The following RNPEPL1 variants were observed in gnomAD, a reference collection of about 807,000 sequenced individuals.
RNPEPL1 encodes aminopeptidase RNPEPL1.
A neutral mutation model predicts 69.0 loss-of-function variants in RNPEPL1; 46 were observed. The observed-to-expected ratio is 0.67, with a 90% CI of 0.53 to 0.85. The LOEUF is 0.85. RNPEPL1 is among the 40% of genes least tolerant of loss of function. The pLI, the probability that RNPEPL1 is intolerant of heterozygous loss-of-function variation, is 0.00. For synonymous variants in RNPEPL1, 525 were observed against 454.1 expected (o/e 1.16, Z -1.98); for missense variants, 869 against 992.5 (o/e 0.88, Z 1.67).
chr2:240,574,820 G>A, intron 6 of RNPEPL1, 192 bp downstream of exon 6: 1 of 658,812 alleles, frequency 1.5e-6, no homozygotes, highest in Non-Finnish European at 2.7e-6. Flanking sequence ...CGCTTCCCTG[G>A]CTCTGAGCAG....
In RNPEPL1 at chr2:240,580,899, A is replaced by G. The variant is rs1363073336; in HGVS notation, c.*3007A>G. 6.6e-6 allele frequency: 1 copy of G among 152,242 alleles called. No individual in the cohort carries two copies. The highest frequency in any genetic ancestry group is 2.4e-5 in the African/African-American group (1 of 41,456). The allele number at this position is 152,242 out of a possible 1,614,324, so 9.4% of individuals were successfully genotyped here. A position where few individuals can be genotyped will look rare whatever the true frequency, so the allele number is the denominator to read the frequency against. On this transcript the variant is annotated 3_prime_UTR_variant, in exon 11 of 11. Coordinates refer to ENST00000270357, the MANE Select transcript of RNPEPL1 (RefSeq NM_018226.6). ...CCTGAAAAAACAGTGAAGGAGACCC[A>G]TGCAAATTTCTAGGCCCTGGAGGTC...
At position 240,574,224 on chromosome 2, in the gene RNPEPL1, T is replaced by C; in HGVS notation, c.1050T>C (p.Asp350=). The C allele has an allele frequency of 6.2e-7, 1 of 1,613,324 alleles. No homozygotes were observed. The highest frequency in any genetic ancestry group is 8.5e-7 in the Non-Finnish European group (1 of 1,179,930). ...AGAGCGATGAGTTCCTGGTCATCGATGTCATCCACGAGGTGGCCCACAGTT... is the reference window on the plus strand; with the variant it reads ...AGAGCGATGAGTTCCTGGTCATCGACGTCATCCACGAGGTGGCCCACAGTT... ...ILESDEFLVI[D]VIHEVAHSWF... Residue 350 remains aspartate (D), a synonymous_variant, in exon 5 of 11, where the codon GAT becomes GAC. Coordinates refer to ENST00000270357, the MANE Select transcript of RNPEPL1 (RefSeq NM_018226.6).
chr2:240,574,816 C>T (rs2093033120), intron 6 of RNPEPL1, 188 bp downstream of exon 6: 2 of 663,278 alleles, frequency 3.0e-6, no homozygotes, highest in Non-Finnish European at 5.3e-6. Context: ...CCGCCGCTTC[C>T]CTGGCTCTGA....
At chr2:240,575,846 T>G in intron 8 of RNPEPL1, 1 of 544,316 alleles carries the variant, frequency 1.8e-6, no homozygotes, top group East Asian at 3.0e-5. Context: ...AGTCAGGCAC[T>G]CCCAGGAAGC....
chr2:240,568,786 C>T lies in RNPEPL1; in HGVS notation c.200C>T (p.Ala67Val). The change falls in exon 1 of 11, where the codon GCG (alanine) becomes GTG (valine). Residue 67 changes from alanine (A) to valine (V), a missense_variant. Ala to Val is a moderately conservative substitution (Grantham distance 64). Around this residue, in one of 2 missense-constraint regions of RNPEPL1, gnomAD observed 259 missense variants for 201.5 expected, o/e 1.29. Transcript: ENST00000270357. The surrounding 1 kb of genome is among the most constrained non-coding windows in gnomAD (Gnocchi z 6.2). Reference protein sequence around the residue: ...LAGCLVLELCALRPAPRALVL... With the variant: ...LAGCLVLELCVLRPAPRALVL... ...GGCTGCCTGGTGCTCGAGCTGTGCG[C>T]GCTGCGGCCCGCGCCCCGCGCGCTC... is the stretch of plus-strand genomic sequence containing the variant. The T allele has an allele frequency of 9.3e-7, 1 of 1,075,964 alleles. No homozygotes were observed. Among genetic ancestry groups the T allele is most frequent in the Non-Finnish European group, 1.1e-6 (1 of 887,380 alleles). 66.7% of individuals were successfully genotyped at this position (1,075,964 alleles called of 1,614,324 possible). A position where few individuals can be genotyped will look rare whatever the true frequency, so the allele number is the denominator to read the frequency against.
Position 240,568,762 on chromosome 2 carries a change from G to A in RNPEPL1, c.176G>A (p.Gly59Asp). 3 of 1,067,856 alleles carry A rather than the reference G, an allele frequency of 2.8e-6. No individual in the cohort carries two copies. Among genetic ancestry groups the A allele is most frequent in the South Asian group, 3.4e-5 (1 of 29,402 alleles). The allele number at this position is 1,067,856 out of a possible 1,614,324, so 66.1% of individuals were successfully genotyped here. A position where few individuals can be genotyped will look rare whatever the true frequency, so the allele number is the denominator to read the frequency against. Reference protein sequence around the residue: ...ELRPEARELAGCLVLELCALR... With the variant: ...ELRPEARELADCLVLELCALR... The stretch of plus-strand genomic sequence containing the variant: ...CGGCCCGAGGCGCGCGAGTTGGCCG[G>A]CTGCCTGGTGCTCGAGCTGTGCGCG... The change falls in exon 1 of 11, where the codon GGC becomes GAC. Residue 59 changes from glycine to aspartate, a missense_variant. Physicochemically the swap from Gly to Asp is moderately conservative, Grantham distance 94. Coordinates refer to ENST00000270357, the MANE Select transcript of RNPEPL1 (RefSeq NM_018226.6). This position sits in a 1 kb window ranked among gnomAD's most constrained non-coding sequence, Gnocchi z 6.2.
At chr2:240,570,935 G>C (rs2093019471) in intron 1 of RNPEPL1, among the ~76,000 whole-genome samples, 1 of 152,164 alleles carries the variant, frequency 6.6e-6, no homozygotes. Context: ...GGTGGACATG[G>C]GGCAGTAGGG....
In RNPEPL1 at chr2:240,574,098, G is replaced by T. The variant is rs188844567; in HGVS notation, c.939-15G>T. On this transcript the variant is annotated splice_polypyrimidine_tract_variant and intron_variant, in intron 4 of 10. Coordinates refer to ENST00000270357, the MANE Select transcript of RNPEPL1 (RefSeq NM_018226.6). Reference sequence around the variant, plus strand: ...AGCCCCGAGGTCTGCCACCCTCACCGCCCTCCCGGTGCAGGTACGACATTG... The same window carrying T: ...AGCCCCGAGGTCTGCCACCCTCACCTCCCTCCCGGTGCAGGTACGACATTG... 1 of 1,608,600 alleles carries T rather than the reference G, an allele frequency of 6.2e-7. No homozygotes were observed.
rs761167816 is a variant in RNPEPL1 at position 240,576,772 on chromosome 2, C to T, written c.1741+7C>T. ...GGGTCCCCGCTGCCGCAGGGTGAGT[C>T]CCTGCAGCTGATGGGGGCGGCCCAG... is the stretch of plus-strand genomic sequence containing the variant. On this transcript the variant is annotated splice_region_variant and intron_variant, in intron 9 of 10. Coordinates refer to ENST00000270357, the MANE Select transcript of RNPEPL1 (RefSeq NM_018226.6). 3.7e-6 allele frequency: 6 copies of T among 1,612,692 alleles called. No individual in the cohort carries two copies. In the South Asian group the frequency reaches 6.6e-5, roughly 18 times the overall value.
At chr2:240,572,602 C>T (rs1315989983) in intron 2 of RNPEPL1, 39 bp downstream of exon 2, 2 of 1,534,716 alleles carry the variant, frequency 1.3e-6, no homozygotes, top group African/African-American at 1.4e-5. Context: ...GCTCCCAGGA[C>T]AGCCCAGTGG....
At position 240,568,594 on chromosome 2, in the gene RNPEPL1, C is replaced by T. The variant is rs1368083665; in HGVS notation, c.8C>T (p.Ala3Val). The T allele has an allele frequency of 2.0e-5, 20 of 985,574 alleles. No homozygotes were observed. Among genetic ancestry groups the T allele is most frequent in the South Asian group, 4.5e-5 (1 of 22,088 alleles). The allele number at this position is 985,574 out of a possible 1,614,324, so 61.1% of individuals were successfully genotyped here. Residue 3 changes from alanine (A) to valine (V), a missense_variant, in exon 1 of 11, where the codon GCG becomes GTG. Ala to Val is a moderately conservative substitution (Grantham distance 64). Around this residue, in one of 2 missense-constraint regions of RNPEPL1, gnomAD observed 259 missense variants for 201.5 expected, o/e 1.29. Transcript: ENST00000270357. This position sits in a 1 kb window ranked among gnomAD's most constrained non-coding sequence, Gnocchi z 6.2. MA[A>V]QCCCRQAPGA... ...CACCTAGTGCCGGCGGCCATGGCCG[C>T]GCAGTGCTGCTGCCGCCAGGCGCCC...
intron 8 of RNPEPL1, chr2:240,575,945 T>C: frequency 2.7e-6 from 1 of 365,306 alleles, no homozygotes; most frequent in South Asian, 2.9e-5. Context: ...CAGCCAGCCC[T>C]GTTTATGTGT....
Position 240,568,513 on chromosome 2 carries a change from C to T in RNPEPL1, c.-74C>T, listed in dbSNP as rs892051723. The T allele has an allele frequency of 1.8e-4, 137 of 781,088 alleles. 1 individual carries two copies. In the African/African-American group the frequency reaches 2.3e-3, roughly 13 times the overall value. The allele number at this position is 781,088 out of a possible 1,614,324, so 48.4% of individuals were successfully genotyped here. On this transcript the variant is annotated 5_prime_UTR_variant, in exon 1 of 11. Transcript: ENST00000270357. This position sits in a 1 kb window ranked among gnomAD's most constrained non-coding sequence, Gnocchi z 6.2. ...TCCTGTTGTGCCCGCGCCCCGCCGC[C>T]GCCGCCGCCCGGCGCCCCTCGCCCG...
intron 1 of RNPEPL1, 102 bp from the exon 2 acceptor site, chr2:240,572,321 C>A: frequency 7.4e-7 from 1 of 1,345,288 alleles, no homozygotes. Flanking sequence ...TGGCCATTGT[C>A]CCCTCCCAGA....
intron 8 of RNPEPL1, 58 bp downstream of exon 8, chr2:240,575,668 C>A: frequency 7.3e-7 from 1 of 1,373,618 alleles, no homozygotes; most frequent in Non-Finnish European, 1.0e-6. Context: ...GCAGGCGGGG[C>A]CTCTGCTGCC....
intron 7 of RNPEPL1, 73 bp from the exon 8 acceptor site, chr2:240,575,429 C>G: frequency 1.5e-6 from 2 of 1,293,286 alleles, no homozygotes; most frequent in Non-Finnish European, 2.2e-6. Flanking sequence ...CCTGCAGTGC[C>G]CTGCAGGCCT....
In RNPEPL1 at chr2:240,574,137, C is replaced by T; in HGVS notation, c.963C>T (p.Pro321=). The T allele has an allele frequency of 1.2e-6, 2 of 1,613,226 alleles. No individual in the cohort carries two copies. Among genetic ancestry groups the T allele is most frequent in the South Asian group, 1.1e-5 (1 of 91,082 alleles). ...WGRYDIVFLP[P]SFPIVAMENP... ...GGTACGACATTGTCTTCCTGCCACC[C>T]TCCTTCCCCATCGTGGCCATGGAGA... The change falls in exon 5 of 11, where the codon CCC becomes CCT. Residue 321 remains proline, a synonymous_variant. Transcript: ENST00000270357.
In RNPEPL1 at chr2:240,573,212, C is replaced by A; in HGVS notation, c.772C>A (p.Leu258Ile). The change falls in exon 3 of 11, where the codon CTC becomes ATC. Residue 258 changes from leucine (L) to isoleucine (I), a missense_variant. This residue lies in a region of RNPEPL1 where 610 missense variants were observed against 790.9 expected (regional missense o/e 0.77). Coordinates refer to ENST00000270357, the MANE Select transcript of RNPEPL1 (RefSeq NM_018226.6). ...FHMEHPVPAY[L>I]VALVAGDLKP... ...CATGGAGCACCCCGTGCCCGCCTAC[C>A]TCGTGGCCCTGGTGGCCGGAGACCT... 1 of 1,582,514 alleles carries A rather than the reference C, an allele frequency of 6.3e-7. No homozygotes were observed.
intron 8 of RNPEPL1, 172 bp from the exon 9 acceptor site, chr2:240,576,363 G>A: frequency 1.6e-6 from 1 of 626,544 alleles, no homozygotes; most frequent in South Asian, 2.0e-5. Flanking sequence ...CCCTTCAGTG[G>A]CTTCAAGTGG....
Sources: allele counts gnomAD v4.1 joint callset (sites outside exome capture counted in the v4.1 genomes callset), GRCh38; gene constraint gnomAD v4.1.1; regional missense constraint gnomAD v4.1.1; non-coding constraint Gnocchi (gnomAD v3.1); transcripts MANE v1.5; gene names NCBI Gene and HGNC (gene_info 2026-07-23, HGNC 2026-07-21).